MYO9A: variants seen among roughly 807,000 people sequenced by gnomAD.
The protein encoded by MYO9A is unconventional myosin-IXa.
In MYO9A, 103 loss-of-function variants were observed where a neutral mutation model predicts 293.3. The observed-to-expected ratio is 0.35, with a 90% CI of 0.30 to 0.41. The LOEUF is 0.41. MYO9A is among the 10% of genes least tolerant of loss of function. The probability of loss-of-function intolerance (pLI) is 1.00; values close to 1 mark genes in which losing one functional copy is unlikely to be tolerated. For synonymous variants in MYO9A, 1,001 were observed against 1,035.7 expected, an observed-to-expected ratio of 0.97 and a Z score of 0.64; for missense variants, 2,685 against 3,033.0, an observed-to-expected ratio of 0.89 and a Z score of 2.69.
chr15:71,930,451 T>C (rs368823193), intron 18 of MYO9A, among the ~76,000 whole-genome samples: 2 of 152,218 alleles, frequency 1.3e-5, no homozygotes, highest in East Asian at 3.8e-4. Context: ...TATTATTATA[T>C]GTTGACCTTC....
chr15:71,934,816 A>T (rs1346892123), intron 17 of MYO9A, among the ~76,000 whole-genome samples: 5 of 92,502 alleles, frequency 5.4e-5, no homozygotes, highest in Admixed American at 3.3e-4. Context: ...TTTTTTGGAG[A>T]GATGGGGTCT....
At chr15:71,889,001 T>C (rs951408134) in intron 26 of MYO9A, among the ~76,000 whole-genome samples, 10 of 152,110 alleles carry the variant, frequency 6.6e-5, no homozygotes, top group African/African-American at 2.2e-4. Context: ...AAAAGGGAAG[T>C]ATGTTCTACA....
chr15:72,007,668 G>T (rs921714067), intron 8 of MYO9A, among the ~76,000 whole-genome samples, 158 bp downstream of exon 8: 1 of 152,022 alleles, frequency 6.6e-6, no homozygotes, highest in Non-Finnish European at 1.5e-5. Flanking sequence ...GCAGGTATCA[G>T]GAAAAATTAG....
chr15:72,098,953 A>C (rs1421421603), intron 1 of MYO9A, among the ~76,000 whole-genome samples: 1 of 152,156 alleles, frequency 6.6e-6, no homozygotes, highest in Non-Finnish European at 1.5e-5. Context: ...TTTAAAAAAA[A>C]AAACAACTAT....
chr15:71,842,631 G>A (rs559045174), intron 39 of MYO9A, among the ~76,000 whole-genome samples: 60 of 152,026 alleles, frequency 3.9e-4, no homozygotes, highest in Non-Finnish European at 7.5e-4. Context: ...AGGCTGAGAC[G>A]GGCAGATTAT....
chr15:71,884,303 C>T (rs1427753639), intron 27 of MYO9A, among the ~76,000 whole-genome samples: 1 of 152,156 alleles, frequency 6.6e-6, no homozygotes, highest in Non-Finnish European at 1.5e-5. Context: ...TTTCCACTCA[C>T]CATTACATAA....
At chr15:71,990,294 A>G (rs934818314) in intron 11 of MYO9A, among the ~76,000 whole-genome samples, 1 of 151,868 alleles carries the variant, frequency 6.6e-6, no homozygotes, top group African/African-American at 2.4e-5. Flanking sequence ...CATGCTGCCC[A>G]GGCTGGTCTC....
intron 11 of MYO9A, among the ~76,000 whole-genome samples, chr15:71,980,381 G>A (rs28368570): frequency 0.013 from 1,947 of 152,124 alleles, 28 homozygotes; most frequent in African/African-American, 0.021. Flanking sequence ...TCCAATACTC[G>A]TATTGTCTGT....
intron 1 of MYO9A, among the ~76,000 whole-genome samples, chr15:72,085,407 A>AG (rs2079687647): frequency 6.6e-6 from 1 of 151,808 alleles, no homozygotes; most frequent in Non-Finnish European, 1.5e-5. Flanking sequence ...AAAAAAAAAA[A>AG]GAAAAAATGA....
At chr15:72,044,491 T>C (rs2078323975) in intron 2 of MYO9A, among the ~76,000 whole-genome samples, 1 of 152,186 alleles carries the variant, frequency 6.6e-6, no homozygotes, top group African/African-American at 2.4e-5. Context: ...CTTGACCTTA[T>C]TCCTCCTATA....
At chr15:72,085,631 C>A (rs946727175) in intron 1 of MYO9A, among the ~76,000 whole-genome samples, 1 of 152,048 alleles carries the variant, frequency 6.6e-6, no homozygotes, top group East Asian at 1.9e-4. Flanking sequence ...GTCACTTCAC[C>A]CATCTCAGCC....
chr15:71,903,005 T>C lies in MYO9A; in HGVS notation c.2936A>G (p.Asn979Ser). Residue 979 changes from asparagine (N) to serine (S), a missense_variant, in exon 22 of 42, where the codon AAC becomes AGC. By Grantham distance (46) the Asn-to-Ser change is conservative (BLOSUM62 1). This residue lies in a region of MYO9A where 1,434 missense variants were observed against 1,497.7 expected (regional missense o/e 0.96). Transcript: ENST00000356056. ...TATTTTCCTGAAGAAATCCTGAATG[T>C]TAAATTTGGATGGAATAATATTTCG... ...LPRNIIPSKF[N>S]IQDFFRKINL... 1 of 1,588,760 alleles carries C rather than the reference T, an allele frequency of 6.3e-7. No homozygotes were observed. Among genetic ancestry groups the C allele is most frequent in the Non-Finnish European group, 8.6e-7 (1 of 1,161,386 alleles).
At chr15:71,974,066 C>T (rs1034127884) in intron 12 of MYO9A, among the ~76,000 whole-genome samples, 1 of 152,118 alleles carries the variant, frequency 6.6e-6, no homozygotes, top group African/African-American at 2.4e-5. Context: ...GCTTTCCTTA[C>T]CCAGTGGAAG....
intron 32 of MYO9A, among the ~76,000 whole-genome samples, chr15:71,870,282 G>T (rs1419399434): frequency 2.0e-5 from 3 of 151,970 alleles, no homozygotes. Flanking sequence ...TAATTAAATG[G>T]TTCCATAGGA....
At chr15:71,870,569 ATTAAGAT>A (rs575384109) in intron 32 of MYO9A, among the ~76,000 whole-genome samples, 140 of 152,316 alleles carry the variant, frequency 9.2e-4, no homozygotes, top group Admixed American at 2.4e-3. Flanking sequence ...ATCCAAATAC[ATTAAGAT>A]TTGAGTATAC....
intron 32 of MYO9A, among the ~76,000 whole-genome samples, chr15:71,871,585 G>A (rs73434307): frequency 0.022 from 3,405 of 151,728 alleles, 122 homozygotes; most frequent in African/African-American, 0.08. Context: ...GGGATGCTGA[G>A]GTGGGAGGGC....
At chr15:72,116,365 C>G (rs938342445) in intron 1 of MYO9A, among the ~76,000 whole-genome samples, 1 of 152,118 alleles carries the variant, frequency 6.6e-6, no homozygotes, top group South Asian at 2.1e-4. Flanking sequence ...ACGTACTGAT[C>G]ATTTGATGCA....
chr15:71,841,989 T>A (rs1381257044), intron 39 of MYO9A, among the ~76,000 whole-genome samples: 1 of 152,112 alleles, frequency 6.6e-6, no homozygotes, highest in Non-Finnish European at 1.5e-5. Flanking sequence ...TCAAGTGCTA[T>A]CTGTGTATGG....
chr15:71,962,980 G>C (rs571550170), intron 13 of MYO9A, among the ~76,000 whole-genome samples: 3 of 152,146 alleles, frequency 2.0e-5, no homozygotes, highest in Non-Finnish European at 4.4e-5. Flanking sequence ...AACATACTTT[G>C]TGGTTTACCA....
Sources: gnomAD v4.1 joint callset for allele counts (sites outside exome capture counted in the v4.1 genomes callset) on GRCh38, gnomAD v4.1.1 for gene constraint, gnomAD v4.1.1 regional missense constraint, MANE v1.5 for transcripts, NCBI Gene and HGNC (gene_info 2026-07-23, HGNC 2026-07-21) for gene names.